Variants in NRCAM observed in about 807,000 individuals in gnomAD.
NRCAM encodes NgCAM-related cell adhesion molecule.
A neutral mutation model predicts 156.5 loss-of-function variants in NRCAM; 83 were observed. That is an observed-to-expected ratio of 0.53 (90% CI 0.44 to 0.64). The LOEUF (loss-of-function observed/expected upper bound fraction) is 0.64, where lower values mean the gene tolerates loss of function less well. Ranked by LOEUF, NRCAM falls within the 30% of genes least tolerant of loss-of-function variation. The pLI is 0.00. For missense variants in NRCAM, 1,417 were observed against 1,597.3 expected (o/e 0.89, Z 1.92); for synonymous variants, 538 against 563.9 (o/e 0.95, Z 0.65).
chr7:108,348,350 G>A (rs1190321916), intron 2 of NRCAM, among the ~76,000 whole-genome samples: 3 of 152,138 alleles, frequency 2.0e-5, no homozygotes, highest in Non-Finnish European at 4.4e-5. Context: ...AGCTTGACAA[G>A]TTCTGTTAGG....
intron 1 of NRCAM, among the ~76,000 whole-genome samples, chr7:108,420,673 C>T (rs185242608): frequency 1.3e-5 from 2 of 152,274 alleles, no homozygotes; most frequent in East Asian, 3.9e-4. Flanking sequence ...TTTAGGCATC[C>T]GTGGTTCCTA....
intron 13 of NRCAM, among the ~76,000 whole-genome samples, chr7:108,198,782 C>T (rs1442148891): frequency 6.6e-6 from 1 of 152,160 alleles, no homozygotes; most frequent in East Asian, 1.9e-4. Context: ...ATTCTTGAAG[C>T]TGAAGTATAA....
At chr7:108,150,286 C>T in intron 32 of NRCAM, 139 bp from the exon 33 acceptor site, 1 of 726,402 alleles carries the variant, frequency 1.4e-6, no homozygotes, top group South Asian at 1.8e-5. Flanking sequence ...CAGGTTGACT[C>T]CAATGACGAG....
intron 1 of NRCAM, among the ~76,000 whole-genome samples, chr7:108,414,918 C>A (rs2154423190): frequency 6.6e-6 from 1 of 152,182 alleles, no homozygotes; most frequent in South Asian, 2.1e-4. Context: ...TTTCCCTGAA[C>A]AGAGGGGCTT....
chr7:108,173,081 GTT>G (rs1307429485), intron 28 of NRCAM, among the ~76,000 whole-genome samples: 1 of 149,536 alleles, frequency 6.7e-6, no homozygotes, highest in Non-Finnish European at 1.5e-5. Context: ...TACCTCCTGA[GTT>G]CAAACAGTTT....
At chr7:108,432,935 A>AGAGAAAGAGAAGGAGAAG (rs1827483987) in intron 1 of NRCAM, among the ~76,000 whole-genome samples, 1 of 132,818 alleles carries the variant, frequency 7.5e-6, no homozygotes, top group Non-Finnish European at 1.7e-5. Flanking sequence ...AAGAGGAGAA[A>AGAGAAAGAGAAGGAGAAG]GAGAAAGAGA....
chr7:108,163,007 A>G (rs1345405047), intron 30 of NRCAM, among the ~76,000 whole-genome samples: 1 of 152,134 alleles, frequency 6.6e-6, no homozygotes, highest in African/African-American at 2.4e-5. Flanking sequence ...TCACACACAC[A>G]TACACACACA....
intron 3 of NRCAM, among the ~76,000 whole-genome samples, chr7:108,295,266 C>G (rs1445489023): frequency 6.6e-6 from 1 of 152,154 alleles, no homozygotes; most frequent in Non-Finnish European, 1.5e-5. Context: ...TCTCTAAAAT[C>G]AAATGTTCTA....
At chr7:108,391,831 T>C (rs2099761035) in intron 2 of NRCAM, among the ~76,000 whole-genome samples, 1 of 152,224 alleles carries the variant, frequency 6.6e-6, no homozygotes, top group Non-Finnish European at 1.5e-5. Context: ...CCTTCACTTA[T>C]GAAGCCTAGT....
intron 12 of NRCAM, 137 bp downstream of exon 12, chr7:108,209,284 T>G: frequency 6.7e-6 from 4 of 597,354 alleles, no homozygotes; most frequent in East Asian, 3.2e-5. Context: ...CCAATAGCAA[T>G]GAGAAGAGAG....
intron 1 of NRCAM, among the ~76,000 whole-genome samples, chr7:108,443,507 T>TAGAC (rs1840895195): frequency 6.6e-6 from 1 of 152,230 alleles, no homozygotes; most frequent in African/African-American, 2.4e-5. Flanking sequence ...AGGCTGAAGT[T>TAGAC]GTCTAAGAGA....
chr7:108,322,861 C>T (rs1381831854), intron 2 of NRCAM, among the ~76,000 whole-genome samples: 1 of 152,076 alleles, frequency 6.6e-6, no homozygotes, highest in Non-Finnish European at 1.5e-5. Context: ...GTAACATAGC[C>T]TGTCTTAAAC....
chr7:108,297,666 A>G (rs1055929137), intron 3 of NRCAM, among the ~76,000 whole-genome samples: 12 of 152,142 alleles, frequency 7.9e-5, no homozygotes, highest in Non-Finnish European at 1.8e-4. Flanking sequence ...TACATTCTAA[A>G]GGGAGGGAAA....
In NRCAM at chr7:108,344,112, G is replaced by A. The variant is rs142317687; in HGVS notation, c.-173-31381C>T. The stretch of plus-strand genomic sequence containing the variant: ...CAATTCAGCAGGAAGCAGTTGGAGC[G>A]GTCATCGGCCAACCTCCCCAACAGC... On this transcript the variant is annotated intron_variant, in intron 2 of 32. Coordinates refer to ENST00000379028, the MANE Select transcript of NRCAM (RefSeq NM_001037132.4). Among the ~76,000 whole-genome samples, 436 of 152,212 alleles carry A rather than the reference G, an allele frequency of 2.9e-3. 2 individuals are homozygous for A. The highest frequency in any genetic ancestry group is 9.9e-3 in the African/African-American group (412 of 41,522).
At chr7:108,237,563 C>T (rs1183064644) in intron 5 of NRCAM, among the ~76,000 whole-genome samples, 189 bp downstream of exon 5, 1 of 152,152 alleles carries the variant, frequency 6.6e-6, no homozygotes, top group African/African-American at 2.4e-5. Context: ...TTTCAGAATT[C>T]ATGCAGATAA....
At position 108,195,840 on chromosome 7, in the gene NRCAM, T is replaced by A. The variant is rs760544200; in HGVS notation, c.1384A>T (p.Thr462Ser). 1 of 1,613,540 alleles carries A rather than the reference T, an allele frequency of 6.2e-7. No homozygotes were observed. Among genetic ancestry groups the A allele is most frequent in the South Asian group, 1.1e-5 (1 of 91,036 alleles). ...CTGTTTGCAATGACCTGGTAGAGTG[T>A]GTTTGCAGGTGTGAGGATTCGTGGT... ...EPPRILTPANTLYQVIANRPA... is the reference protein window; with the variant it reads ...EPPRILTPANSLYQVIANRPA... Residue 462 changes from threonine to serine, a missense_variant, in exon 15 of 33, where the codon ACA becomes TCA. Transcript: ENST00000379028.
At position 108,360,880 on chromosome 7, in the gene NRCAM, C is replaced by A. The variant is rs80258171; in HGVS notation, c.-174+38556G>T. ...ACAGACCTAAATATAAAAGCTAAAA[C>A]CATAAAACTATTAGAAGAAAATATG... On this transcript the variant is annotated intron_variant, in intron 2 of 32. Transcript: ENST00000379028. Among the ~76,000 whole-genome samples, 1,153 of 152,170 alleles carry A rather than the reference C, an allele frequency of 7.6e-3. 8 individuals are homozygous for A. Among genetic ancestry groups the A allele is most frequent in the African/African-American group, 0.027 (1,101 of 41,506 alleles).
intron 1 of NRCAM, among the ~76,000 whole-genome samples, chr7:108,421,450 A>G (rs1423116069): frequency 6.6e-6 from 1 of 152,174 alleles, no homozygotes; most frequent in Non-Finnish European, 1.5e-5. Flanking sequence ...GTCACCCCCA[A>G]TGAGAAATGT....
At chr7:108,438,127 C>T (rs930464642) in intron 1 of NRCAM, among the ~76,000 whole-genome samples, 19 of 151,806 alleles carry the variant, frequency 1.3e-4, no homozygotes, top group African/African-American at 4.6e-4. Flanking sequence ...TTCTACTCTT[C>T]CACAAACTTT....
Sources: allele counts gnomAD v4.1 joint callset (sites outside exome capture counted in the v4.1 genomes callset), GRCh38; gene constraint gnomAD v4.1.1; transcripts MANE v1.5; gene names NCBI Gene and HGNC (gene_info 2026-07-23, HGNC 2026-07-21).